Variants in ANO1 observed in about 807,000 individuals in gnomAD.
The protein encoded by ANO1 is anoctamin 1, also known as anoctamin-1.
In ANO1, 59 loss-of-function variants were observed where a neutral mutation model predicts 124.0. The ratio of observed to expected loss-of-function variants is 0.48; its 90% CI spans 0.39 to 0.59. The LOEUF is 0.59. Among genes scored for constraint, ANO1 ranks in the 20% least tolerant of loss-of-function variants. The probability of loss-of-function intolerance (pLI) is 0.00; values close to 1 mark genes in which losing one functional copy is unlikely to be tolerated. For synonymous variants in ANO1, 529 were observed against 532.0 expected (o/e 0.99, Z 0.08); for missense variants, 1,059 against 1,328.0 (o/e 0.80, Z 3.15).
At chr11:70,080,425 A>G (rs997486538) in intron 1 of ANO1, among the ~76,000 whole-genome samples, 1 of 152,214 alleles carries the variant, frequency 6.6e-6, no homozygotes, top group East Asian at 1.9e-4. Flanking sequence ...TTGCATACTC[A>G]AAGTCCCAAA....
the ANO1 span, among the ~76,000 whole-genome samples, chr11:69,976,247 C>G: frequency 6.6e-6 from 1 of 152,118 alleles, no homozygotes; most frequent in East Asian, 1.9e-4. Flanking sequence ...AGAAGGCTCA[C>G]GCCTGTAATC....
chr11:70,175,671 A>T (rs1008479802), intron 22 of ANO1, among the ~76,000 whole-genome samples: 1 of 152,240 alleles, frequency 6.6e-6, no homozygotes, highest in Admixed American at 6.5e-5. Context: ...CGGGCACTGC[A>T]TGTGGGCAGG....
Position 70,087,744 on chromosome 11 carries a change from A to G in ANO1, c.109-8A>G. On this transcript the variant is annotated splice_polypyrimidine_tract_variant and splice_region_variant and intron_variant, in intron 1 of 25. Coordinates refer to ENST00000355303, the MANE Select transcript of ANO1 (RefSeq NM_018043.7). ...ATGGTGAATGGGTGTCTTTTCTTCC[A>G]CCCTTAGCTGCTGAACTCCTTATCT... The G allele has an allele frequency of 6.3e-7, 1 of 1,576,652 alleles. No individual in the cohort carries two copies.
chr11:70,022,303 A>G (rs1430347137), intron 1 of ANO1, among the ~76,000 whole-genome samples: 1 of 152,118 alleles, frequency 6.6e-6, no homozygotes, highest in Non-Finnish European at 1.5e-5. Flanking sequence ...CTCAATAAGG[A>G]CTTACTGAAT....
At chr11:70,000,055 C>T (rs1158306129) in intron 1 of ANO1, among the ~76,000 whole-genome samples, 9 of 152,164 alleles carry the variant, frequency 5.9e-5, no homozygotes, top group African/African-American at 2.2e-4. Flanking sequence ...CAGGAAGGAA[C>T]TTACAGAGGA....
chr11:70,048,041 T>A (rs1027729287), intron 1 of ANO1, among the ~76,000 whole-genome samples: 3 of 152,242 alleles, frequency 2.0e-5, no homozygotes, highest in African/African-American at 7.2e-5. Context: ...GTGTCCAAAT[T>A]TAAAATAAAA....
chr11:70,149,664 AAT>A, intron 11 of ANO1, 44 bp from the exon 12 acceptor site: 4 of 1,554,758 alleles, frequency 2.6e-6, no homozygotes, highest in Admixed American at 3.9e-5. Context: ...AAAAAAAAAA[AAT>A]GCCTTTATGT....
chr11:70,108,376 G>C lies in ANO1; in HGVS notation c.771G>C (p.Thr257=). The C allele has an allele frequency of 6.2e-7, 1 of 1,612,686 alleles. No homozygotes were observed. Among genetic ancestry groups the C allele is most frequent in the Non-Finnish European group, 8.5e-7 (1 of 1,178,942 alleles). The change falls in exon 6 of 26, where the codon ACG becomes ACC. Residue 257 remains threonine, a synonymous_variant. Transcript: ENST00000355303. ...STIVYEILKR[T]TCTKAKYSMG... ...AGGTCTATGAGATCTTGAAGAGAAC[G>C]ACGTGTACAAAGGCCAAGTACAGCA...
At chr11:70,026,762 G>A (rs78478776) in intron 1 of ANO1, among the ~76,000 whole-genome samples, 9,213 of 152,184 alleles carry the variant, frequency 0.061, 395 homozygotes, top group Non-Finnish European at 0.096. Flanking sequence ...TCTGAGCTGC[G>A]GATCCTGCAC....
chr11:70,010,179 G>GTATGTGTGTGTGTATATATA (rs1188271051), intron 1 of ANO1, among the ~76,000 whole-genome samples: 940 of 83,792 alleles, frequency 0.011, 93 homozygotes, highest in East Asian at 0.046. Flanking sequence ...GTGTGTGTGT[G>GTATGTGTGTGTGTATATATA]TATATATATA....
intron 24 of ANO1, 110 bp from the exon 25 acceptor site, chr11:70,185,480 G>T (rs1415230209): frequency 2.1e-6 from 2 of 957,524 alleles, no homozygotes; most frequent in Non-Finnish European, 1.6e-6. Flanking sequence ...CCCGGAGGCA[G>T]CCGCACACCA....
intron 21 of ANO1, among the ~76,000 whole-genome samples, chr11:70,168,984 G>C (rs1325992933): frequency 6.6e-6 from 1 of 152,190 alleles, no homozygotes; most frequent in East Asian, 1.9e-4. Context: ...GCTGAACCAG[G>C]GTCAGGCCGG....
the ANO1 span, among the ~76,000 whole-genome samples, chr11:69,970,457 A>T: frequency 6.6e-6 from 1 of 152,180 alleles, no homozygotes; most frequent in African/African-American, 2.4e-5. Flanking sequence ...ATGTTAGGAA[A>T]GGTTCGTGAA....
chr11:70,138,115 C>T (rs557488654), intron 11 of ANO1, among the ~76,000 whole-genome samples: 4 of 145,296 alleles, frequency 2.8e-5, no homozygotes, highest in African/African-American at 4.9e-5. Flanking sequence ...GAGGCCAAGG[C>T]GGGCAGATCA....
intron 1 of ANO1, among the ~76,000 whole-genome samples, chr11:70,008,618 AG>A (rs1418246117): frequency 6.8e-6 from 1 of 148,052 alleles, no homozygotes; most frequent in Non-Finnish European, 1.5e-5. Flanking sequence ...TCTTTCTGCC[AG>A]TGCCAACTGT....
chr11:70,002,834 A>G (rs1426319741), intron 1 of ANO1, among the ~76,000 whole-genome samples: 8 of 152,146 alleles, frequency 5.3e-5, no homozygotes, highest in Non-Finnish European at 1.0e-4. Context: ...CTGATTCTAT[A>G]CCCCTAATAC....
chr11:70,057,731 A>G (rs1433759578), intron 1 of ANO1, among the ~76,000 whole-genome samples: 1 of 152,116 alleles, frequency 6.6e-6, no homozygotes, highest in African/African-American at 2.4e-5. Context: ...ACAATGGTGG[A>G]AAGTCATCAG....
chr11:70,061,778 T>A (rs1486908811), intron 1 of ANO1, among the ~76,000 whole-genome samples: 1 of 152,126 alleles, frequency 6.6e-6, no homozygotes, highest in Non-Finnish European at 1.5e-5. Flanking sequence ...TAGATGGTTG[T>A]ACACATAAAG....
chr11:70,019,111 C>T (rs1555002325), intron 1 of ANO1, among the ~76,000 whole-genome samples: 1 of 152,178 alleles, frequency 6.6e-6, no homozygotes, highest in Non-Finnish European at 1.5e-5. Flanking sequence ...TTTATTCATT[C>T]GTTCAACAAA....
Sources: gnomAD v4.1 joint callset for allele counts (sites outside exome capture counted in the v4.1 genomes callset) on GRCh38, gnomAD v4.1.1 for gene constraint, MANE v1.5 for transcripts, NCBI Gene and HGNC (gene_info 2026-07-23, HGNC 2026-07-21) for gene names.